Variants in FAM124B observed in about 807,000 individuals in gnomAD.
FAM124B encodes protein FAM124B.
A neutral mutation model predicts 19.7 loss-of-function variants in FAM124B; 18 were observed. That is an observed-to-expected ratio of 0.92 (90% CI 0.63 to 1.36). The LOEUF (loss-of-function observed/expected upper bound fraction) is 1.36. FAM124B is among the 40% of genes most tolerant of loss of function. The pLI is 0.00. For missense variants in FAM124B, 540 were observed against 553.3 expected, an observed-to-expected ratio of 0.98 and a Z score of 0.24; for synonymous variants, 223 against 225.2, an observed-to-expected ratio of 0.99 and a Z score of 0.09.
intron 1 of FAM124B, among the ~76,000 whole-genome samples, chr2:224,380,434 A>C (rs16865908): frequency 6.6e-6 from 1 of 152,150 alleles, no homozygotes; most frequent in Non-Finnish European, 1.5e-5. Flanking sequence ...GTTTTTGACA[A>C]GGGTAAGACT....
intron 1 of FAM124B, among the ~76,000 whole-genome samples, chr2:224,386,733 G>A (rs1340116073): frequency 6.6e-6 from 1 of 152,170 alleles, no homozygotes; most frequent in Non-Finnish European, 1.5e-5. Context: ...TATGTCCAGT[G>A]CCTAGCACAG....
Position 224,379,772 on chromosome 2 carries a change from T to C in FAM124B, c.1169A>G (p.Gln390Arg). 1 of 1,551,688 alleles carries C rather than the reference T, an allele frequency of 6.4e-7. No homozygotes were observed. Among genetic ancestry groups the C allele is most frequent in the Non-Finnish European group, 8.7e-7 (1 of 1,147,008 alleles). The change falls in exon 2 of 2, where the codon CAG becomes CGG. Residue 390 changes from glutamine to arginine, a missense_variant. Physicochemically the swap from Gln to Arg is conservative, Grantham distance 43. Coordinates refer to ENST00000409685, the MANE Select transcript of FAM124B (RefSeq NM_001122779.2). The part of the protein sequence containing the change: ...GGFPRDLQTS[Q>R]PPFCLPASSL... ...AGAGGCTGGCAAGCAGAATGGTGGCTGGCTGGTCTGTAAATCCCTTGGAAA... is the reference window on the plus strand; with the variant it reads ...AGAGGCTGGCAAGCAGAATGGTGGCCGGCTGGTCTGTAAATCCCTTGGAAA...
At chr2:224,389,105 T>C (rs1355984270) in intron 1 of FAM124B, among the ~76,000 whole-genome samples, 5 of 152,032 alleles carry the variant, frequency 3.3e-5, no homozygotes, top group African/African-American at 1.2e-4. Flanking sequence ...CTAATGTTTA[T>C]ATTTTTAGTA....
intron 1 of FAM124B, among the ~76,000 whole-genome samples, chr2:224,398,556 A>C (rs1690012944): frequency 1.3e-5 from 2 of 152,132 alleles, no homozygotes; most frequent in Non-Finnish European, 2.9e-5. Context: ...GCGATCTCTC[A>C]CTCTGTTTGC....
chr2:224,399,876 T>C (rs1690033994), intron 1 of FAM124B: 1 of 152,208 alleles, frequency 6.6e-6, no homozygotes, highest in Admixed American at 6.6e-5. Context: ...GGTCATTTCC[T>C]GTAAGTAAGT....
intron 1 of FAM124B, among the ~76,000 whole-genome samples, chr2:224,395,307 C>T (rs1470910677): frequency 6.6e-6 from 1 of 152,194 alleles, no homozygotes; most frequent in East Asian, 1.9e-4. Context: ...GGACACGGGT[C>T]TCAGCTGTGG....
intron 1 of FAM124B, among the ~76,000 whole-genome samples, chr2:224,382,726 C>T (rs75402452): frequency 0.046 from 7,018 of 152,084 alleles, 501 homozygotes; most frequent in African/African-American, 0.15. Flanking sequence ...TTTTTCCAAA[C>T]AATTTCTTAC....
At position 224,379,494 on chromosome 2, in the gene FAM124B, A is replaced by T. The variant is rs899420562; in HGVS notation, c.*79T>A. 41 of 1,452,888 alleles carry T rather than the reference A, an allele frequency of 2.8e-5. No homozygotes were observed. In the African/African-American group the frequency reaches 5.4e-4, roughly 19 times the overall value. The allele number at this position is 1,452,888 out of a possible 1,614,324, so 90.0% of individuals were successfully genotyped here. The stretch of plus-strand genomic sequence containing the variant: ...AGCCCCCCTCAGATGAACAACTAAC[A>T]GGCTGATTCTGGGTCAGTACTCCAT... On this transcript the variant is annotated 3_prime_UTR_variant, in exon 2 of 2. Transcript: ENST00000409685.
At chr2:224,387,479 A>G (rs1037572318) in intron 1 of FAM124B, among the ~76,000 whole-genome samples, 2 of 152,206 alleles carry the variant, frequency 1.3e-5, no homozygotes, top group African/African-American at 4.8e-5. Flanking sequence ...CATGGAAACA[A>G]TTTAGGTAAA....
chr2:224,385,407 C>T (rs1372785644), intron 1 of FAM124B, among the ~76,000 whole-genome samples: 1 of 152,214 alleles, frequency 6.6e-6, no homozygotes, highest in East Asian at 1.9e-4. Flanking sequence ...ATTGAGGGAG[C>T]CTCTTCCCTT....
intron 1 of FAM124B, among the ~76,000 whole-genome samples, chr2:224,389,119 A>G (rs571802074): frequency 6.6e-6 from 1 of 152,082 alleles, no homozygotes; most frequent in East Asian, 1.9e-4. Flanking sequence ...TTTAGTAGAG[A>G]TGGGGTTTTA....
intron 1 of FAM124B, chr2:224,400,234 T>C: frequency 2.3e-6 from 1 of 431,608 alleles, no homozygotes. Context: ...TTTGTGCACA[T>C]GTACCCCAGA....
chr2:224,380,277 G>T (rs1162630573), intron 1 of FAM124B, 69 bp from the exon 2 acceptor site: 2 of 1,377,992 alleles, frequency 1.5e-6, no homozygotes, highest in Non-Finnish European at 2.0e-6. Flanking sequence ...AGCTGACTAT[G>T]CCTTATTCAC....
Position 224,383,505 on chromosome 2 carries a change from T to C in FAM124B, c.733-3297A>G, listed in dbSNP as rs1038966241. 7.2e-5 allele frequency among the ~76,000 whole-genome samples: 11 copies of C among 152,204 alleles called. 1 individual carries two copies. The East Asian group carries it at 1.4e-3, about 19-fold the overall frequency. On this transcript the variant is annotated intron_variant, in intron 1 of 1. Transcript: ENST00000409685. ...CCTGCCCTTCCTTTCCTTTCTTTCC[T>C]TTTCATCTGTTTGTTTTTTTAAAAA...
chr2:224,381,168 T>C (rs1689706653), intron 1 of FAM124B, among the ~76,000 whole-genome samples: 1 of 152,156 alleles, frequency 6.6e-6, no homozygotes, highest in Admixed American at 6.6e-5. Flanking sequence ...TAAATACTAC[T>C]AACTGAAAGA....
At chr2:224,386,441 C>A (rs1031363115) in intron 1 of FAM124B, among the ~76,000 whole-genome samples, 1 of 151,398 alleles carries the variant, frequency 6.6e-6, no homozygotes, top group Non-Finnish European at 1.5e-5. Flanking sequence ...TTTTAGACCA[C>A]TTACTTAATA....
chr2:224,386,539 G>A (rs1015913634), intron 1 of FAM124B, among the ~76,000 whole-genome samples: 1 of 152,154 alleles, frequency 6.6e-6, no homozygotes, highest in African/African-American at 2.4e-5. Flanking sequence ...TGATAGTCGT[G>A]CCTTGCATGT....
At chr2:224,383,870 G>A (rs1429926129) in intron 1 of FAM124B, among the ~76,000 whole-genome samples, 2 of 152,164 alleles carry the variant, frequency 1.3e-5, no homozygotes. Context: ...TTCTAGAAAT[G>A]GAAACTGGCA....
intron 1 of FAM124B, among the ~76,000 whole-genome samples, chr2:224,397,324 C>G (rs1176688016): frequency 6.6e-6 from 1 of 152,178 alleles, no homozygotes; most frequent in Non-Finnish European, 1.5e-5. Flanking sequence ...TCCTCTTTGC[C>G]TTCCGCCATG....
Sources: gnomAD v4.1 joint callset for allele counts (sites outside exome capture counted in the v4.1 genomes callset) on GRCh38, gnomAD v4.1.1 for gene constraint, MANE v1.5 for transcripts, NCBI Gene and HGNC (gene_info 2026-07-23, HGNC 2026-07-21) for gene names.